The following CD84 variants were observed in gnomAD, a reference collection of about 807,000 sequenced individuals.
CD84 encodes CD84 molecule.
In CD84, 22 loss-of-function variants were observed where a neutral mutation model predicts 33.8. The ratio of observed to expected loss-of-function variants is 0.65; its 90% CI spans 0.46 to 0.93. CD84 has a LOEUF of 0.93. Ranked by LOEUF, CD84 falls within the 40% of genes least tolerant of loss-of-function variation. The pLI, the probability that CD84 is intolerant of heterozygous loss-of-function variation, is 0.00. For missense variants in CD84, 400 were observed against 397.6 expected, an observed-to-expected ratio of 1.01 and a Z score of -0.05; for synonymous variants, 154 against 145.2, an observed-to-expected ratio of 1.06 and a Z score of -0.44.
rs1291101663 is a variant in CD84, at chr1:160,551,009, T to C, written c.787A>G (p.Thr263Ala). Reference sequence around the variant, plus strand: ...GTGTTCCTTGAAGCCATGATATATGTGTATATGGTTTTCTTTGAGGCAGCA... The same window carrying C: ...GTGTTCCTTGAAGCCATGATATATGCGTATATGGTTTTCTTTGAGGCAGCA... ...QDAASKKTIY[T>A]YIMASRNTQP... Residue 263 changes from threonine (T) to alanine (A), a missense_variant, in exon 5 of 7, where the codon ACA becomes GCA. By Grantham distance (58) the Thr-to-Ala change is moderately conservative. Coordinates refer to ENST00000368054, the MANE Select transcript of CD84 (RefSeq NM_003874.4). 1.2e-6 allele frequency: 2 copies of C among 1,613,758 alleles called. No homozygotes were observed. The highest frequency in any genetic ancestry group is 1.7e-6 in the Non-Finnish European group (2 of 1,179,756).
In CD84 at chr1:160,550,422, A is replaced by T. The variant is rs1444791154; in HGVS notation, c.859-443T>A. Among the ~76,000 whole-genome samples, 2 of 149,330 alleles carry T rather than the reference A, an allele frequency of 1.3e-5. 1 individual carries two copies. The highest frequency in any genetic ancestry group is 4.0e-4 in the East Asian group (2 of 4,982). On this transcript the variant is annotated intron_variant, in intron 5 of 6. Coordinates refer to ENST00000368054, the MANE Select transcript of CD84 (RefSeq NM_003874.4). ...GAGAGGGCGATCCAGGGTGGAGGGG[A>T]GGGAGGGGCAGGCAGGTAAAGGGCG... is the stretch of plus-strand genomic sequence containing the variant.
intron 3 of CD84, 107 bp downstream of exon 3, chr1:160,553,788 A>C: frequency 6.5e-7 from 1 of 1,546,434 alleles, no homozygotes. Context: ...ACCAGGCCAA[A>C]GATAAAGGAA....
Position 160,579,238 on chromosome 1 carries a change from C to T in CD84, c.46+154G>A, listed in dbSNP as rs188962839. On this transcript the variant is annotated intron_variant, in intron 1 of 6. Coordinates refer to ENST00000368054, the MANE Select transcript of CD84 (RefSeq NM_003874.4). ...CTTAGGTTTGAATTTTAAGTCTCTC[C>T]CCAGCCAGTTGGATCCTGTTGAGTA... Among the ~76,000 whole-genome samples, 267 of 152,198 alleles carry T rather than the reference C, an allele frequency of 1.8e-3. 1 individual carries two copies. Among genetic ancestry groups the T allele is most frequent in the African/African-American group, 6.1e-3 (253 of 41,536 alleles).
chr1:160,546,976 C>T lies in CD84; in HGVS notation c.*1280G>A. Reference sequence around the variant, plus strand: ...CAGCCCATTGCTGTCCAGCCTAGGACTATTCATTGGGATTTAGGAGTTAGC... The same window carrying T: ...CAGCCCATTGCTGTCCAGCCTAGGATTATTCATTGGGATTTAGGAGTTAGC... On this transcript the variant is annotated 3_prime_UTR_variant, in exon 7 of 7. Coordinates refer to ENST00000368054, the MANE Select transcript of CD84 (RefSeq NM_003874.4). 1 of 396,072 alleles carries T rather than the reference C, an allele frequency of 2.5e-6. No individual in the cohort carries two copies. Among genetic ancestry groups the T allele is most frequent in the Non-Finnish European group, 4.4e-6 (1 of 224,890 alleles). 24.5% of individuals were successfully genotyped at this position (396,072 alleles called of 1,614,324 possible).
Position 160,546,857 on chromosome 1 carries a change from G to A in CD84, c.*1399C>T. 2.9e-6 allele frequency: 1 copy of A among 344,404 alleles called. No individual in the cohort carries two copies. The highest frequency in any genetic ancestry group is 4.8e-5 in the Admixed American group (1 of 21,014). 21.3% of individuals were successfully genotyped at this position (344,404 alleles called of 1,614,324 possible). A position where few individuals can be genotyped will look rare whatever the true frequency, so the allele number is the denominator to read the frequency against. On this transcript the variant is annotated 3_prime_UTR_variant, in exon 7 of 7. Coordinates refer to ENST00000368054, the MANE Select transcript of CD84 (RefSeq NM_003874.4). ...CATTATGCACATCTTCTACTTTGGG[G>A]CCTTGCAGCTCCTAACATAGTGCTA...
rs577584889 is a variant in CD84, at chr1:160,543,636, T to C, written c.*4620A>G. 6.7e-6 allele frequency: 1 copy of C among 148,544 alleles called. No individual in the cohort carries two copies. The highest frequency in any genetic ancestry group is 2.1e-4 in the South Asian group (1 of 4,746). 9.2% of individuals were successfully genotyped at this position (148,544 alleles called of 1,614,324 possible). ...ATTATTATTATTATTATTATTTAGG[T>C]ATATCCCCTGTTCTCTCAGTCTAAC... On this transcript the variant is annotated 3_prime_UTR_variant, in exon 7 of 7. Coordinates refer to ENST00000368054, the MANE Select transcript of CD84 (RefSeq NM_003874.4).
At chr1:160,554,772 G>T (rs1435567863) in intron 2 of CD84, among the ~76,000 whole-genome samples, 1 of 152,010 alleles carries the variant, frequency 6.6e-6, no homozygotes, top group African/African-American at 2.4e-5. Flanking sequence ...GTTTGTGTTG[G>T]AACTATACTC....
chr1:160,553,219 A>G (rs1329542297), intron 4 of CD84, 159 bp downstream of exon 4: 8 of 1,181,710 alleles, frequency 6.8e-6, no homozygotes, highest in Non-Finnish European at 9.9e-6. Flanking sequence ...ATGTCATACC[A>G]TCCTCAGAGC....
chr1:160,566,296 T>C (rs559658285), intron 1 of CD84, among the ~76,000 whole-genome samples: 19 of 152,226 alleles, frequency 1.2e-4, no homozygotes, highest in Non-Finnish European at 2.5e-4. Flanking sequence ...TTTTTAGGGA[T>C]ATTTTTCTGT....
Position 160,549,986 on chromosome 1 carries a change from A to G in CD84, c.859-7T>C, listed in dbSNP as rs1057340897. 4 of 1,600,896 alleles carry G rather than the reference A, an allele frequency of 2.5e-6. No homozygotes were observed. The African/African-American group carries it at 5.4e-5, about 22-fold the overall frequency. ...CTTCCTTGGAGGGAAGCACCTGTAA[A>G]ACACACATCTTCCCCTCAGTGAGGG... On this transcript the variant is annotated splice_region_variant and splice_polypyrimidine_tract_variant and intron_variant, in intron 5 of 6. Transcript: ENST00000368054.
intron 1 of CD84, among the ~76,000 whole-genome samples, chr1:160,570,756 G>A (rs896471640): frequency 3.3e-5 from 5 of 152,174 alleles, no homozygotes; most frequent in Non-Finnish European, 7.3e-5. Flanking sequence ...CAGCTGCCCA[G>A]GAGGCTGAGA....
At position 160,553,337 on chromosome 1, in the gene CD84, G is replaced by A. The variant is rs749848225; in HGVS notation, c.760+41C>T. 18 of 1,613,962 alleles carry A rather than the reference G, an allele frequency of 1.1e-5. 1 individual carries two copies. Among genetic ancestry groups the A allele is most frequent in the Middle Eastern group, 3.3e-4 (2 of 6,082 alleles). The stretch of plus-strand genomic sequence containing the variant: ...AAATGGCTTCAGTCCCAGGAGGAGA[G>A]AAGGTGAGTTTCCACATTTTACCTT... On this transcript the variant is annotated intron_variant, in intron 4 of 6. Coordinates refer to ENST00000368054, the MANE Select transcript of CD84 (RefSeq NM_003874.4).
chr1:160,551,889 CA>C (rs1656255243), intron 4 of CD84, among the ~76,000 whole-genome samples: 1 of 152,180 alleles, frequency 6.6e-6, no homozygotes, highest in African/African-American at 2.4e-5. Context: ...TTCTATGTGC[CA>C]GGCTCTGTGT....
intron 2 of CD84, among the ~76,000 whole-genome samples, chr1:160,563,567 AAC>A (rs1657130630): frequency 6.6e-6 from 1 of 152,120 alleles, no homozygotes; most frequent in Admixed American, 6.6e-5. Flanking sequence ...GGAGGGGAAC[AAC>A]ACACACTGGG....
intron 1 of CD84, among the ~76,000 whole-genome samples, chr1:160,569,557 C>CAT (rs1344870420): frequency 5.9e-5 from 9 of 151,864 alleles, no homozygotes; most frequent in African/African-American, 2.2e-4. Context: ...CACGCACGCA[C>CAT]GCACACACAC....
chr1:160,574,346 T>G (rs1358338667), intron 1 of CD84, among the ~76,000 whole-genome samples: 1 of 152,096 alleles, frequency 6.6e-6, no homozygotes, highest in African/African-American at 2.4e-5. Context: ...GAAGAAAATT[T>G]TTTAGATCCA....
intron 4 of CD84, chr1:160,552,809 G>A: frequency 8.3e-7 from 1 of 1,207,248 alleles, no homozygotes; most frequent in East Asian, 2.6e-5. Context: ...TGTGATTGGT[G>A]GGAAAAGGAA....
At position 160,541,883 on chromosome 1, in the gene CD84, T is replaced by A. The variant is rs1016853824; in HGVS notation, c.*6373A>T. 2.0e-5 allele frequency: 3 copies of A among 152,162 alleles called. No homozygotes were observed. Among genetic ancestry groups the A allele is most frequent in the African/African-American group, 7.2e-5 (3 of 41,426 alleles). The allele number at this position is 152,162 out of a possible 1,614,324, so 9.4% of individuals were successfully genotyped here. On this transcript the variant is annotated 3_prime_UTR_variant, in exon 7 of 7. Coordinates refer to ENST00000368054, the MANE Select transcript of CD84 (RefSeq NM_003874.4). ...CAGGTAACACGTGATAAAGCAATGA[T>A]CTGAGGGAGTGAGCATGTAGAGGGA...
At chr1:160,551,731 G>T (rs1009925112) in intron 4 of CD84, among the ~76,000 whole-genome samples, 11 of 152,250 alleles carry the variant, frequency 7.2e-5, no homozygotes, top group Non-Finnish European at 1.5e-5. Context: ...TTTTGGTAGA[G>T]ACAGGGTTTC....
Sources: gnomAD v4.1 joint callset for allele counts (sites outside exome capture counted in the v4.1 genomes callset) on GRCh38, gnomAD v4.1.1 for gene constraint, MANE v1.5 for transcripts, NCBI Gene and HGNC (gene_info 2026-07-23, HGNC 2026-07-21) for gene names.